The following CREB1 variants were observed in gnomAD, a reference collection of about 807,000 sequenced individuals.
CREB1 encodes the protein cyclic AMP-responsive element-binding protein 1.
CREB1 carries 2 observed loss-of-function variants against 42.0 expected under a neutral mutation model. The ratio of observed to expected loss-of-function variants is 0.05; its 90% CI spans 0.02 to 0.15. CREB1 has a LOEUF of 0.15. CREB1 is among the 10% of genes least tolerant of loss of function. The pLI, the probability that CREB1 is intolerant of heterozygous loss-of-function variation, is 1.00. For synonymous variants in CREB1, 123 were observed against 139.9 expected (o/e 0.88, Z 0.85); for missense variants, 199 against 388.9 (o/e 0.51, Z 4.11).
chr2:207,583,817 C>T (rs1022781616), intron 7 of CREB1, among the ~76,000 whole-genome samples: 5 of 152,294 alleles, frequency 3.3e-5, no homozygotes, highest in African/African-American at 1.2e-4. Context: ...ACTAAGTATT[C>T]TCTTATATCC....
At chr2:207,570,112 C>T in intron 4 of CREB1, 67 bp from the exon 5 acceptor site, 1 of 924,300 alleles carries the variant, frequency 1.1e-6, no homozygotes, top group Non-Finnish European at 1.5e-6. Flanking sequence ...TCATCTTTAA[C>T]TATATTTGTA....
intron 7 of CREB1, among the ~76,000 whole-genome samples, chr2:207,585,416 C>T (rs951142878): frequency 2.0e-5 from 3 of 152,176 alleles, no homozygotes; most frequent in African/African-American, 7.2e-5. Flanking sequence ...GCTAACACTA[C>T]AGCTACATCT....
At chr2:207,595,401 G>A (rs1314036887) in intron 7 of CREB1, among the ~76,000 whole-genome samples, 3 of 151,902 alleles carry the variant, frequency 2.0e-5, no homozygotes, top group African/African-American at 7.3e-5. Flanking sequence ...GAGTTCAAAA[G>A]TTCTTTATAT....
intron 1 of CREB1, among the ~76,000 whole-genome samples, chr2:207,534,259 C>T (rs942953643): frequency 1.3e-5 from 2 of 152,030 alleles, no homozygotes; most frequent in African/African-American, 4.8e-5. Flanking sequence ...TTTTTTGAGA[C>T]GGAGTCTTGC....
rs1336862210 is a variant in CREB1, at chr2:207,603,247, C to A, written c.*6189C>A. 4.5e-6 allele frequency: 1 copy of A among 220,158 alleles called. No homozygotes were observed. Among genetic ancestry groups the A allele is most frequent in the Non-Finnish European group, 9.1e-6 (1 of 109,962 alleles). 13.6% of individuals were successfully genotyped at this position (220,158 alleles called of 1,614,324 possible). A position where few individuals can be genotyped will look rare whatever the true frequency, so the allele number is the denominator to read the frequency against. ...CAATGCATTTTATTAACACTATGTA[C>A]ATAATAGCTGCTTTGTGTTCAGAAT... On this transcript the variant is annotated 3_prime_UTR_variant, in exon 8 of 8. Coordinates refer to ENST00000353267, the MANE Select transcript of CREB1 (RefSeq NM_004379.5).
At chr2:207,549,863 G>A (rs2081432005) in intron 1 of CREB1, among the ~76,000 whole-genome samples, 1 of 151,960 alleles carries the variant, frequency 6.6e-6, no homozygotes, top group Non-Finnish European at 1.5e-5. Context: ...CCAGCTACTC[G>A]GGAGGCTGAG....
At chr2:207,540,643 A>C (rs2081055564) in intron 1 of CREB1, among the ~76,000 whole-genome samples, 1 of 149,852 alleles carries the variant, frequency 6.7e-6, no homozygotes, top group African/African-American at 2.4e-5. Context: ...TCAAAAAAAT[A>C]AAGTTTAACA....
chr2:207,579,129 GTATT>G (rs2082727380), intron 7 of CREB1, among the ~76,000 whole-genome samples: 1 of 151,930 alleles, frequency 6.6e-6, no homozygotes, highest in Admixed American at 6.6e-5. Context: ...GTGATTTTGA[GTATT>G]TAAGTTTTAC....
At chr2:207,585,670 A>G (rs2083693865) in intron 7 of CREB1, among the ~76,000 whole-genome samples, 1 of 152,226 alleles carries the variant, frequency 6.6e-6, no homozygotes, top group Non-Finnish European at 1.5e-5. Context: ...ACAGATAGAC[A>G]ATACAAATAA....
At chr2:207,557,258 T>C (rs971856663) in intron 2 of CREB1, among the ~76,000 whole-genome samples, 1 of 152,170 alleles carries the variant, frequency 6.6e-6, no homozygotes, top group Non-Finnish European at 1.5e-5. Flanking sequence ...GGCTGTATTG[T>C]GTCATCCTGG....
intron 7 of CREB1, chr2:207,581,606 A>C (rs2082966479): frequency 5.8e-6 from 2 of 344,898 alleles, no homozygotes; most frequent in African/African-American, 2.1e-5. Context: ...TACATTTTTA[A>C]TATATTTTTA....
rs370775575 is a variant in CREB1 at position 207,604,190 on chromosome 2, G to A, written c.*7132G>A. ...GAAAAGATTGCCCATCTTGTCATTTGACCAGGCACTGAAGTGACAAGACCA... is the reference window on the plus strand; with the variant it reads ...GAAAAGATTGCCCATCTTGTCATTTAACCAGGCACTGAAGTGACAAGACCA... On this transcript the variant is annotated 3_prime_UTR_variant, in exon 8 of 8. Coordinates refer to ENST00000353267, the MANE Select transcript of CREB1 (RefSeq NM_004379.5). Among the ~76,000 whole-genome samples, 2 of 152,194 alleles carry A rather than the reference G, an allele frequency of 1.3e-5. No individual in the cohort carries two copies. The highest frequency in any genetic ancestry group is 3.8e-4 in the East Asian group (2 of 5,200).
At chr2:207,559,532 T>C (rs1195415112) in intron 2 of CREB1, among the ~76,000 whole-genome samples, 1 of 152,218 alleles carries the variant, frequency 6.6e-6, no homozygotes, top group African/African-American at 2.4e-5. Flanking sequence ...CCCCAATAAC[T>C]GTTTCCTGAT....
At chr2:207,562,684 T>C (rs2081999444) in intron 3 of CREB1, among the ~76,000 whole-genome samples, 1 of 152,202 alleles carries the variant, frequency 6.6e-6, no homozygotes, top group Non-Finnish European at 1.5e-5. Context: ...TTAATAGTTA[T>C]CTTAGCCAGT....
intron 7 of CREB1, among the ~76,000 whole-genome samples, chr2:207,592,030 C>A (rs1169277494): frequency 6.6e-6 from 1 of 152,104 alleles, no homozygotes; most frequent in Non-Finnish European, 1.5e-5. Flanking sequence ...GAAAATAGAT[C>A]TTCTGGCAAT....
At chr2:207,574,512 A>G (rs761579674) in intron 5 of CREB1, among the ~76,000 whole-genome samples, 2 of 152,222 alleles carry the variant, frequency 1.3e-5, no homozygotes, top group Non-Finnish European at 2.9e-5. Flanking sequence ...TATGAGCAAA[A>G]GTTGACTGAT....
intron 7 of CREB1, among the ~76,000 whole-genome samples, chr2:207,582,321 A>G (rs2083074105): frequency 6.6e-6 from 1 of 152,198 alleles, no homozygotes; most frequent in East Asian, 1.9e-4. Flanking sequence ...TCTTGTCTAC[A>G]GTAATTATTA....
At chr2:207,583,797 GTTATATAATACTAAGTA>G (rs1246709029) in intron 7 of CREB1, among the ~76,000 whole-genome samples, 1 of 152,186 alleles carries the variant, frequency 6.6e-6, no homozygotes, top group African/African-American at 2.4e-5. Context: ...TTAACTAACA[GTTATATAATACTAAGTA>G]TTCTCTTATA....
intron 7 of CREB1, among the ~76,000 whole-genome samples, chr2:207,595,471 G>A (rs2085962647): frequency 6.6e-6 from 1 of 151,598 alleles, no homozygotes; most frequent in African/African-American, 2.4e-5. Context: ...CCCAAGCTGT[G>A]GTATAGTGGC....
Sources: allele counts gnomAD v4.1 joint callset (sites outside exome capture counted in the v4.1 genomes callset), GRCh38; gene constraint gnomAD v4.1.1; transcripts MANE v1.5; gene names NCBI Gene and HGNC (gene_info 2026-07-23, HGNC 2026-07-21).